The following IL16 variants were observed in gnomAD, a reference collection of about 807,000 sequenced individuals.
IL16 encodes the protein interleukin 16, also known as pro-interleukin-16.
In IL16, 67 loss-of-function variants were observed where a neutral mutation model predicts 110.1. That is an observed-to-expected ratio of 0.61 (90% CI 0.50 to 0.75). The LOEUF (loss-of-function observed/expected upper bound fraction) is 0.75. Ranked by LOEUF, IL16 falls within the 30% of genes least tolerant of loss-of-function variation. The pLI is 0.00. For synonymous variants in IL16, 689 were observed against 662.9 expected, an observed-to-expected ratio of 1.04 and a Z score of -0.61; for missense variants, 1,545 against 1,655.0, an observed-to-expected ratio of 0.93 and a Z score of 1.15.
chr15:81,306,496 G>C lies in IL16; in HGVS notation c.3756G>C (p.Lys1252Asn), dbSNP rs148851007. 3.1e-6 allele frequency: 5 copies of C among 1,613,368 alleles called. No individual in the cohort carries two copies. Among genetic ancestry groups the C allele is most frequent in the Non-Finnish European group, 3.4e-6 (4 of 1,179,888 alleles). The change falls in exon 18 of 19, where the codon AAG becomes AAC. Residue 1252 changes from lysine to asparagine, a missense_variant. Physicochemically the swap from Lys to Asn is moderately conservative, Grantham distance 94. Transcript: ENST00000683961. Reference sequence around the variant, plus strand: ...TGGGCTTCAGCCTGGAAGGAGGGAAGGGCTCCCTACACGGAGACAAGCCTC... The same window carrying C: ...TGGGCTTCAGCCTGGAAGGAGGGAACGGCTCCCTACACGGAGACAAGCCTC... ...AGLGFSLEGGKGSLHGDKPLT... is the reference protein window; with the variant it reads ...AGLGFSLEGGNGSLHGDKPLT...
At chr15:81,204,643 C>T (rs891200524) in intron 1 of IL16, among the ~76,000 whole-genome samples, 8 of 151,226 alleles carry the variant, frequency 5.3e-5, no homozygotes, top group East Asian at 3.9e-4. Context: ...TGCTAAATGA[C>T]GAGTTAATGG....
At chr15:81,195,968 T>G, upstream of IL16, among the ~76,000 whole-genome samples, 1 of 151,614 alleles carries the variant, frequency 6.6e-6, no homozygotes, top group Admixed American at 6.6e-5. Flanking sequence ...GTTTTCAACA[T>G]GCTCTGTATA....
Position 81,299,707 on chromosome 15 carries a change from A to C in IL16, c.2381A>C (p.Gln794Pro), listed in dbSNP as rs1399877488. Residue 794 changes from glutamine (Q) to proline (P), a missense_variant, in exon 14 of 19, where the codon CAA (glutamine) becomes CCA (proline). Gln to Pro is a moderately conservative substitution (Grantham distance 76). Coordinates refer to ENST00000683961, the MANE Select transcript of IL16 (RefSeq NM_172217.5). ...PVAPKPAWFR[Q>P]SLKGLRNRAS... is the part of the protein sequence containing the mutation. ...GCTCCCAAGCCAGCCTGGTTTCGCC[A>C]AAGCTTGAAAGGTTTGAGGAATCGT... 10 of 1,614,102 alleles carry C rather than the reference A, an allele frequency of 6.2e-6. No homozygotes were observed. The highest frequency in any genetic ancestry group is 8.5e-6 in the Non-Finnish European group (10 of 1,180,044).
chr15:81,234,715 A>G (rs930738983), intron 2 of IL16, among the ~76,000 whole-genome samples: 145 of 152,292 alleles, frequency 9.5e-4, no homozygotes, highest in African/African-American at 3.5e-3. Flanking sequence ...CGGTAAGATC[A>G]CTTCCTTTCT....
At chr15:81,299,157 C>G in intron 13 of IL16, 2 of 715,248 alleles carry the variant, frequency 2.8e-6, no homozygotes, top group Admixed American at 4.1e-5. Flanking sequence ...GCCTAAAACA[C>G]TAGGATACTG....
At chr15:81,182,851 T>C in exon 1 of IL16, 1 of 1,289,336 alleles carries the variant, frequency 7.8e-7, no homozygotes, top group Non-Finnish European at 1.0e-6. Flanking sequence ...CCTCAAACCC[T>C]GTGCAATGAG....
At chr15:81,260,463 G>A (rs1898110397) in intron 3 of IL16, among the ~76,000 whole-genome samples, 1 of 152,006 alleles carries the variant, frequency 6.6e-6, no homozygotes, top group South Asian at 2.1e-4. Context: ...CCATTTTTTA[G>A]TGGATCCATG....
intron 1 of IL16, among the ~76,000 whole-genome samples, chr15:81,190,467 C>G (rs750893086): frequency 2.0e-5 from 3 of 152,154 alleles, no homozygotes; most frequent in Non-Finnish European, 4.4e-5. Context: ...TCAGATAATC[C>G]TGGGTTAACA....
In IL16 at chr15:81,292,713, G is replaced by A. The variant is rs1467237566; in HGVS notation, c.1578G>A (p.Gly526=). 1 of 1,614,166 alleles carries A rather than the reference G, an allele frequency of 6.2e-7. No individual in the cohort carries two copies. Among genetic ancestry groups the A allele is most frequent in the Non-Finnish European group, 8.5e-7 (1 of 1,180,030 alleles). Residue 526 remains glycine (G), a synonymous_variant, in exon 12 of 19, where the codon GGG becomes GGA. Transcript: ENST00000683961. ...CTGGGTCCCCAGGGGGAAGTCCTGG[G>A]AGTGGCAGTGCTGAGAAGCCGTCCT... ...YMSGSPGGSP[G]SGSAEKPSSD... is the part of the protein sequence containing the mutation.
chr15:81,285,868 A>T (rs1899427581), intron 10 of IL16, 38 bp downstream of exon 10: 1 of 1,608,356 alleles, frequency 6.2e-7, no homozygotes, highest in African/African-American at 1.3e-5. Flanking sequence ...TCTCAGGCTC[A>T]CTCGTTCAGT....
intron 2 of IL16, among the ~76,000 whole-genome samples, chr15:81,251,383 C>T (rs1897763115): frequency 6.6e-6 from 1 of 152,144 alleles, no homozygotes; most frequent in African/African-American, 2.4e-5. Context: ...CCAGACTGGT[C>T]TTGAACTCCT....
intron 2 of IL16, among the ~76,000 whole-genome samples, chr15:81,252,062 G>T (rs1014090752): frequency 6.6e-6 from 1 of 152,178 alleles, no homozygotes; most frequent in Admixed American, 6.5e-5. Context: ...GAAGTCCATG[G>T]TTTTCTCAGG....
At chr15:81,271,274 AAATT>A (rs201719051) in intron 5 of IL16, among the ~76,000 whole-genome samples, 3,918 of 150,898 alleles carry the variant, frequency 0.026, 165 homozygotes, top group African/African-American at 0.09. Context: ...AAAATAAAAT[AAATT>A]AAATAAAATA....
In IL16 at chr15:81,209,689, G is replaced by C. The variant is rs148439483; in HGVS notation, c.-102+12537G>C. Among the ~76,000 whole-genome samples the C allele has an allele frequency of 2.6e-5, 4 of 152,068 alleles. No homozygotes were observed. In the South Asian group the frequency reaches 8.3e-4, roughly 32 times the overall value. ...CCTCATATCCTTTCTGGAGAAGCTC[G>C]GAGTACTCAATAGCCCACACCCACT... On this transcript the variant is annotated intron_variant, in intron 1 of 18. Coordinates refer to ENST00000683961, the MANE Select transcript of IL16 (RefSeq NM_172217.5).
rs756981119 is a variant in IL16 at position 81,312,081 on chromosome 15, C to A, written c.*3283C>A. Reference sequence around the variant, plus strand: ...ACAATAGTAACCTGGGTAAATGCAGCGTGAAGGGATTTTAGTCACACGTGG... The same window carrying A: ...ACAATAGTAACCTGGGTAAATGCAGAGTGAAGGGATTTTAGTCACACGTGG... On this transcript the variant is annotated 3_prime_UTR_variant, in exon 19 of 19. Coordinates refer to ENST00000683961, the MANE Select transcript of IL16 (RefSeq NM_172217.5). 1 of 152,162 alleles carries A rather than the reference C, an allele frequency of 6.6e-6. No homozygotes were observed. The highest frequency in any genetic ancestry group is 1.5e-5 in the Non-Finnish European group (1 of 68,052). The allele number at this position is 152,162 out of a possible 1,614,324, so 9.4% of individuals were successfully genotyped here.
At chr15:81,278,995 A>G in intron 7 of IL16, 105 bp downstream of exon 7, 2 of 784,248 alleles carry the variant, frequency 2.6e-6, no homozygotes, top group Non-Finnish European at 4.6e-6. Context: ...AACCCTTCAC[A>G]TGAGGCACCT....
chr15:81,292,285 C>T, intron 11 of IL16: 1 of 494,474 alleles, frequency 2.0e-6, no homozygotes, highest in Non-Finnish European at 3.7e-6. Context: ...GCTGGGACAC[C>T]AAGCCCTTCC....
At chr15:81,262,557 C>T (rs1049178448) in intron 3 of IL16, among the ~76,000 whole-genome samples, 2 of 139,212 alleles carry the variant, frequency 1.4e-5, no homozygotes, top group Non-Finnish European at 3.1e-5. Context: ...TTTTATTTTG[C>T]GTTTTTTGTT....
intron 1 of IL16, among the ~76,000 whole-genome samples, chr15:81,210,118 A>G (rs1896182996): frequency 6.6e-6 from 1 of 152,218 alleles, no homozygotes; most frequent in South Asian, 2.1e-4. Context: ...TTTATTAAAT[A>G]AGGAGTCCTT....
Sources: allele counts gnomAD v4.1 joint callset (sites outside exome capture counted in the v4.1 genomes callset), GRCh38; gene constraint gnomAD v4.1.1; transcripts MANE v1.5; gene names NCBI Gene and HGNC (gene_info 2026-07-23, HGNC 2026-07-21).